The following AFAP1L2 variants were observed in gnomAD, a reference collection of about 807,000 sequenced individuals.
AFAP1L2 encodes actin filament associated protein 1 like 2.
Under a neutral mutation model 99.3 loss-of-function variants are expected in AFAP1L2, and 46 were observed. The observed-to-expected ratio is 0.46, with a 90% CI of 0.37 to 0.59. The LOEUF is 0.59. Ranked by LOEUF, AFAP1L2 falls within the 20% of genes least tolerant of loss-of-function variation. The probability of loss-of-function intolerance (pLI) is 0.00; values close to 1 mark genes in which losing one functional copy is unlikely to be tolerated. For synonymous variants in AFAP1L2, 397 were observed against 419.1 expected (o/e 0.95, Z 0.64); for missense variants, 959 against 1,034.9 (o/e 0.93, Z 1.01).
intron 1 of AFAP1L2, among the ~76,000 whole-genome samples, chr10:114,364,957 C>T (rs2052995228): frequency 6.6e-6 from 1 of 152,172 alleles, no homozygotes; most frequent in Admixed American, 6.5e-5. Flanking sequence ...CCTTCAAGTA[C>T]CTGGAGGCCT....
intron 4 of AFAP1L2, among the ~76,000 whole-genome samples, chr10:114,330,442 T>C (rs2047069718): frequency 6.6e-6 from 1 of 152,222 alleles, no homozygotes; most frequent in Non-Finnish European, 1.5e-5. Flanking sequence ...TGGGTTCAAA[T>C]GCTGACTCTG....
chr10:114,341,723 T>G (rs991143279), intron 1 of AFAP1L2, among the ~76,000 whole-genome samples: 1 of 152,116 alleles, frequency 6.6e-6, no homozygotes, highest in African/African-American at 2.4e-5. Flanking sequence ...GTGGTCACTG[T>G]CATACTCCAC....
chr10:114,320,954 A>G (rs1222548632), intron 5 of AFAP1L2, among the ~76,000 whole-genome samples: 3 of 152,200 alleles, frequency 2.0e-5, no homozygotes, highest in Non-Finnish European at 4.4e-5. Context: ...CAGTGGGTCA[A>G]TGCTAAGTGC....
At chr10:114,395,120 A>C (rs965654424) in intron 1 of AFAP1L2, among the ~76,000 whole-genome samples, 87 of 152,154 alleles carry the variant, frequency 5.7e-4, no homozygotes, top group Non-Finnish European at 2.5e-4. Flanking sequence ...CCACTTCACC[A>C]TCCTTTATTC....
At chr10:114,349,214 C>T (rs60352146) in intron 1 of AFAP1L2, among the ~76,000 whole-genome samples, 7,987 of 151,510 alleles carry the variant, frequency 0.053, 444 homozygotes, top group African/African-American at 0.14. Flanking sequence ...CCCGCCTCTA[C>T]TAAAAATACA....
intron 1 of AFAP1L2, chr10:114,362,924 T>C: frequency 2.0e-6 from 2 of 980,474 alleles, no homozygotes; most frequent in Non-Finnish European, 1.2e-6. Context: ...ATCTGTGCCA[T>C]AGATAATTAT....
chr10:114,282,027 T>TTTTTTTTTTTTTTTTTGGTTGG, the AFAP1L2 span, among the ~76,000 whole-genome samples: 1 of 149,984 alleles, frequency 6.7e-6, no homozygotes, highest in Non-Finnish European at 1.5e-5. Flanking sequence ...CTTTTTTTTT[T>TTTTTTTTTTTTTTTTTGGTTGG]GAGATGGAGT....
At chr10:114,400,442 T>C (rs1276791307) in intron 1 of AFAP1L2, among the ~76,000 whole-genome samples, 1 of 152,208 alleles carries the variant, frequency 6.6e-6, no homozygotes, top group Admixed American at 6.5e-5. Flanking sequence ...CAGGGTCAAG[T>C]ACAAGGAGCA....
At chr10:114,291,439 A>G, downstream of AFAP1L2, 1 of 603,652 alleles carries the variant, frequency 1.7e-6, no homozygotes. Flanking sequence ...CTTAGAGACA[A>G]GAAAGCAGCT....
At chr10:114,335,612 C>CA (rs57598926) in intron 2 of AFAP1L2, among the ~76,000 whole-genome samples, 7,473 of 131,868 alleles carry the variant, frequency 0.057, 596 homozygotes, top group African/African-American at 0.19. Flanking sequence ...GACTCCGTCT[C>CA]AAAAAAAAAA....
At chr10:114,390,178 T>G (rs1264366700) in intron 1 of AFAP1L2, among the ~76,000 whole-genome samples, 3 of 152,238 alleles carry the variant, frequency 2.0e-5, no homozygotes, top group Non-Finnish European at 4.4e-5. Flanking sequence ...CCATCAGCAC[T>G]GTGTATTAAA....
intron 4 of AFAP1L2, among the ~76,000 whole-genome samples, chr10:114,330,011 T>C (rs372285367): frequency 2.0e-5 from 3 of 152,180 alleles, no homozygotes; most frequent in South Asian, 2.1e-4. Context: ...GTCGCTGGCA[T>C]TGTCAGCATC....
intron 3 of AFAP1L2, among the ~76,000 whole-genome samples, 183 bp from the exon 4 acceptor site, chr10:114,332,080 G>A (rs916482148): frequency 2.6e-5 from 4 of 152,184 alleles, no homozygotes; most frequent in Non-Finnish European, 5.9e-5. Context: ...GGGTGCAGGA[G>A]TGCCCCAGAC....
the AFAP1L2 span, chr10:114,282,525 AG>A: frequency 6.2e-7 from 1 of 1,613,808 alleles, no homozygotes; most frequent in Non-Finnish European, 8.5e-7. Flanking sequence ...GCTGGAAGAG[AG>A]TGTTCCTAAC....
At chr10:114,354,736 A>G (rs1297039768) in intron 1 of AFAP1L2, among the ~76,000 whole-genome samples, 1 of 152,206 alleles carries the variant, frequency 6.6e-6, no homozygotes, top group Non-Finnish European at 1.5e-5. Flanking sequence ...CTAACGATTA[A>G]GCCAGTGCTC....
At chr10:114,397,221 A>C (rs1384349978) in intron 1 of AFAP1L2, among the ~76,000 whole-genome samples, 1 of 152,168 alleles carries the variant, frequency 6.6e-6, no homozygotes, top group Non-Finnish European at 1.5e-5. Context: ...CATCTCTATC[A>C]TTCCAAAAAT....
chr10:114,366,182 T>C (rs931811460), intron 1 of AFAP1L2, among the ~76,000 whole-genome samples: 2 of 152,160 alleles, frequency 1.3e-5, no homozygotes, highest in African/African-American at 2.4e-5. Context: ...GTGCCCTTCT[T>C]CCCAGTAACA....
chr10:114,330,032 C>T (rs1016486850), intron 4 of AFAP1L2, among the ~76,000 whole-genome samples: 12 of 152,090 alleles, frequency 7.9e-5, no homozygotes, highest in African/African-American at 2.7e-4. Context: ...ACAGGGACAC[C>T]AGGGACTCAG....
chr10:114,327,174 T>TATATATATA (rs1491529827), intron 4 of AFAP1L2, among the ~76,000 whole-genome samples: 25 of 60,584 alleles, frequency 4.1e-4, no homozygotes, highest in Admixed American at 5.8e-4. Context: ...TATATATATA[T>TATATATATA]TTTTTTTTTA....
Sources: gnomAD v4.1 joint callset for allele counts (sites outside exome capture counted in the v4.1 genomes callset) on GRCh38, gnomAD v4.1.1 for gene constraint, MANE v1.5 for transcripts, NCBI Gene and HGNC (gene_info 2026-07-23, HGNC 2026-07-21) for gene names.